MYPN: variants seen among roughly 807,000 people sequenced by gnomAD.
MYPN encodes the protein myopalladin.
MYPN carries 63 observed loss-of-function variants against 129.4 expected under a neutral mutation model. That is an observed-to-expected ratio of 0.49 (90% CI 0.40 to 0.60). The LOEUF is 0.60. MYPN is among the 20% of genes least tolerant of loss of function. The pLI is 0.00. For missense variants in MYPN, 1,596 were observed against 1,635.4 expected (o/e 0.98, Z 0.42); for synonymous variants, 629 against 600.9 (o/e 1.05, Z -0.68).
chr10:68,166,618 C>A lies in MYPN; in HGVS notation c.1925C>A (p.Pro642His), dbSNP rs2043059658. 2 of 1,614,036 alleles carry A rather than the reference C, an allele frequency of 1.2e-6. No individual in the cohort carries two copies. Among genetic ancestry groups the A allele is most frequent in the Non-Finnish European group, 1.7e-6 (2 of 1,180,046 alleles). Residue 642 changes from proline to histidine, a missense_variant, in exon 10 of 20, where the codon CCT (proline) becomes CAT (histidine). Physicochemically the swap from Pro to His is moderately conservative, Grantham distance 77. Coordinates refer to ENST00000358913, the MANE Select transcript of MYPN (RefSeq NM_032578.4). ...FNGQATKTPE[P>H]SSPVKEPPPV... ...GGACAGGCAACAAAAACCCCAGAGC[C>A]TTCTTCCCCCGTGAAAGAGCCCCCT...
chr10:68,162,975 T>A (rs1029926136), intron 8 of MYPN, among the ~76,000 whole-genome samples: 1 of 152,072 alleles, frequency 6.6e-6, no homozygotes, highest in Non-Finnish European at 1.5e-5. Context: ...CTGGAATTCA[T>A]GGCCTGAAAA....
At chr10:68,108,289 C>T (rs774722668), upstream of MYPN, among the ~76,000 whole-genome samples, 21 of 152,176 alleles carry the variant, frequency 1.4e-4, no homozygotes, top group Non-Finnish European at 2.8e-4. Flanking sequence ...AATTAAACCT[C>T]CAATGTGATC....
chr10:68,206,639 C>T (rs1240698027), intron 18 of MYPN, 131 bp from the exon 19 acceptor site: 40 of 1,243,098 alleles, frequency 3.2e-5, no homozygotes, highest in Non-Finnish European at 4.2e-5. Flanking sequence ...TCTTCTTTGA[C>T]GTCTTCCACC....
upstream of MYPN, chr10:68,106,490 A>G (rs1039949309): frequency 2.2e-5 from 12 of 552,556 alleles, no homozygotes; most frequent in Non-Finnish European, 3.9e-5. Flanking sequence ...TTCTCATTAA[A>G]AATGGCTAAA....
intron 12 of MYPN, among the ~76,000 whole-genome samples, chr10:68,178,699 C>A (rs1448131000): frequency 1.7e-5 from 2 of 119,548 alleles, no homozygotes; most frequent in African/African-American, 3.0e-5. Context: ...GGTGACAGAG[C>A]GAGACTCTGC....
Position 68,176,119 on chromosome 10 carries a change from C to G in MYPN, c.2703+658C>G, listed in dbSNP as rs555975034. Among the ~76,000 whole-genome samples, 9 of 152,236 alleles carry G rather than the reference C, an allele frequency of 5.9e-5. No individual in the cohort carries two copies. The South Asian group carries it at 1.7e-3, about 28-fold the overall frequency. On this transcript the variant is annotated intron_variant, in intron 12 of 19. Transcript: ENST00000358913. ...TCTAATGTGCTTAAAAGTTTGATCACCAGTACCTCTCAATCCTTATATTAG... is the reference window on the plus strand; with the variant it reads ...TCTAATGTGCTTAAAAGTTTGATCAGCAGTACCTCTCAATCCTTATATTAG...
At chr10:68,178,963 C>T (rs1230564930) in intron 12 of MYPN, among the ~76,000 whole-genome samples, 6 of 152,078 alleles carry the variant, frequency 3.9e-5, no homozygotes, top group African/African-American at 1.4e-4. Flanking sequence ...GGTCCTCTCA[C>T]ACCCCCTGCT....
intron 19 of MYPN, among the ~76,000 whole-genome samples, chr10:68,209,671 C>CTTTTTTTTTTTTT (rs35392300): frequency 1.3e-4 from 17 of 131,170 alleles, no homozygotes; most frequent in South Asian, 2.4e-4. Context: ...GAATTCTTTT[C>CTTTTTTTTTTTTT]TTTTTTTTTT....
chr10:68,131,898 C>T (rs957376889), intron 2 of MYPN, among the ~76,000 whole-genome samples: 1 of 152,110 alleles, frequency 6.6e-6, no homozygotes, highest in South Asian at 2.1e-4. Context: ...ATTCATGAAA[C>T]AATTCTCCTT....
Position 68,210,423 on chromosome 10 carries a change from T to C in MYPN, c.3931T>C (p.Ser1311Pro). ...AAGCACGATGGTGTATTCATGCTCT[T>C]CTCGGAGTGTAGTGGAGAGTGATGA... ...MESTMVYSCSSRSVVESDEL is the reference protein window; with the variant it reads ...MESTMVYSCSPRSVVESDEL The change falls in exon 20 of 20, where the codon TCT (serine) becomes CCT (proline). Residue 1311 changes from serine to proline, a missense_variant. Ser to Pro is a moderately conservative substitution (Grantham distance 74, BLOSUM62 -1). Coordinates refer to ENST00000358913, the MANE Select transcript of MYPN (RefSeq NM_032578.4). The C allele has an allele frequency of 6.2e-7, 1 of 1,614,176 alleles. No homozygotes were observed.
intron 2 of MYPN, among the ~76,000 whole-genome samples, chr10:68,139,767 T>G (rs1453818237): frequency 6.6e-6 from 1 of 152,194 alleles, no homozygotes. Context: ...ACTGTGAATT[T>G]TTTCCATCAT....
At chr10:68,147,791 C>G (rs921400937) in intron 4 of MYPN, among the ~76,000 whole-genome samples, 1 of 152,216 alleles carries the variant, frequency 6.6e-6, no homozygotes, top group African/African-American at 2.4e-5. Flanking sequence ...CCTCTGCAGC[C>G]TTCTCAAGAA....
intron 10 of MYPN, among the ~76,000 whole-genome samples, chr10:68,171,749 G>C (rs192284884): frequency 1.1e-3 from 166 of 152,312 alleles, no homozygotes; most frequent in African/African-American, 3.8e-3. Flanking sequence ...AGTCAGTGAT[G>C]CACTGGCAAA....
At position 68,099,552 on chromosome 10, in the gene MYPN, A is replaced by G. The variant is rs1321115088; in HGVS notation, c.-2+11560A>G. ...TGTCTCAGGAGGCTAAGACATGAGA[A>G]TCACTTGAACTTGGGAGGCAGAGGT... On this transcript the variant is annotated intron_variant, in intron 1 of 6. Coordinates refer to the MYPN transcript ENST00000685154. Among the ~76,000 whole-genome samples the G allele has an allele frequency of 2.0e-5, 3 of 152,168 alleles. No individual in the cohort carries two copies. The East Asian group carries it at 5.8e-4, about 30-fold the overall frequency.
At position 68,148,435 on chromosome 10, in the gene MYPN, G is replaced by A; in HGVS notation, c.1213G>A (p.Val405Met). Residue 405 changes from valine (V) to methionine (M), a missense_variant, in exon 5 of 20, where the codon GTG (valine) becomes ATG (methionine). Physicochemically the swap from Val to Met is conservative, Grantham distance 21. Transcript: ENST00000358913. ...AGCAGTACCCCAAGCCCAGCATTTG[G>A]TGGCCCAACCTCGTGTGGCAACCAT... ...PPAVPQAQHL[V>M]AQPRVATIQQ... is the part of the protein sequence containing the mutation. 1 of 1,614,060 alleles carries A rather than the reference G, an allele frequency of 6.2e-7. No homozygotes were observed. Among genetic ancestry groups the A allele is most frequent in the African/African-American group, 1.3e-5 (1 of 75,016 alleles).
intron 9 of MYPN, 39 bp from the exon 10 acceptor site, chr10:68,166,255 C>T: frequency 6.2e-7 from 1 of 1,613,686 alleles, no homozygotes. Context: ...TTCAGGCTTA[C>T]AGTGGCTGAC....
At chr10:68,147,996 G>A (rs981801407) in intron 4 of MYPN, among the ~76,000 whole-genome samples, 2 of 152,192 alleles carry the variant, frequency 1.3e-5, no homozygotes, top group Non-Finnish European at 2.9e-5. Flanking sequence ...GAAATGGGAG[G>A]GGGAGGGAAA....
Position 68,201,982 on chromosome 10 carries a change from G to C in MYPN, c.3647G>C (p.Arg1216Thr). The change falls in exon 18 of 20, where the codon AGA becomes ACA. Residue 1216 changes from arginine to threonine, a missense_variant. Physicochemically the swap from Arg to Thr is moderately conservative, Grantham distance 71. Transcript: ENST00000358913. Reference protein sequence around the residue: ...KKDNETIPCTRERISMHQDTT... With the variant: ...KKDNETIPCTTERISMHQDTT... Reference sequence around the variant, plus strand: ...GACAATGAGACCATCCCTTGCACCAGAGAGAGGATCAGGTACAGCAGCCAC... The same window carrying C: ...GACAATGAGACCATCCCTTGCACCACAGAGAGGATCAGGTACAGCAGCCAC... 6.2e-7 allele frequency: 1 copy of C among 1,614,064 alleles called. No homozygotes were observed.
chr10:68,185,813 T>C (rs986405923), intron 12 of MYPN, among the ~76,000 whole-genome samples: 4 of 151,372 alleles, frequency 2.6e-5, no homozygotes, highest in African/African-American at 7.2e-5. Context: ...TTTAGAATCA[T>C]GAATACAATC....
Sources: gnomAD v4.1 joint callset for allele counts (sites outside exome capture counted in the v4.1 genomes callset) on GRCh38, gnomAD v4.1.1 for gene constraint, MANE v1.5 for transcripts, NCBI Gene and HGNC (gene_info 2026-07-23, HGNC 2026-07-21) for gene names.